Variants in PKD1L1 observed in about 807,000 individuals in gnomAD.
PKD1L1 encodes polycystin 1 like 1, transient receptor potential channel interacting, also known as polycystin-1-like protein 1.
A neutral mutation model predicts 323.4 loss-of-function variants in PKD1L1; 236 were observed. That is an observed-to-expected ratio of 0.73 (90% CI 0.66 to 0.81). The LOEUF (loss-of-function observed/expected upper bound fraction) is 0.81. Ranked by LOEUF, PKD1L1 falls within the 40% of genes least tolerant of loss-of-function variation. PKD1L1 has a pLI of 0.00. For missense variants in PKD1L1, 3,320 were observed against 3,508.0 expected (o/e 0.95, Z 1.35); for synonymous variants, 1,344 against 1,335.0 (o/e 1.01, Z -0.15).
rs559796354 is a variant in PKD1L1 at position 47,866,336 on chromosome 7, C to T, written c.4092+83G>A. ...TGCCTGTGTTTCATAAGCATGACCA[C>T]TTGCTAGTGAGCCAGCCAGTCATGA... On this transcript the variant is annotated intron_variant, in intron 25 of 56. Coordinates refer to ENST00000289672, the MANE Select transcript of PKD1L1 (RefSeq NM_138295.5). The T allele has an allele frequency of 4.8e-6, 7 of 1,444,232 alleles. No homozygotes were observed. In the South Asian group the frequency reaches 7.8e-5, roughly 16 times the overall value. 89.5% of individuals were successfully genotyped at this position (1,444,232 alleles called of 1,614,324 possible).
intron 8 of PKD1L1, 107 bp downstream of exon 8, chr7:47,915,325 T>C (rs1236535838): frequency 2.9e-6 from 2 of 685,076 alleles, no homozygotes; most frequent in South Asian, 1.6e-5. Flanking sequence ...ATAGAGTGTA[T>C]AGCCAATCAC....
intron 50 of PKD1L1, chr7:47,809,896 C>G (rs1483120839): frequency 4.2e-6 from 1 of 236,650 alleles, no homozygotes; most frequent in Admixed American, 5.1e-5. Context: ...GCTGATCCTC[C>G]AGTCCTTCCT....
rs113054728 is a variant in PKD1L1 at position 47,788,803 on chromosome 7, G to T, written c.8526+3824C>A. Among the ~76,000 whole-genome samples, 759 of 151,268 alleles carry T rather than the reference G, an allele frequency of 5.0e-3. 7 individuals carry two copies. The highest frequency in any genetic ancestry group is 0.016 in the African/African-American group (676 of 41,232). Reference sequence around the variant, plus strand: ...TAGTAGAGATGGGTTTTCACCGTGTGAGCCAGGATGGTCTCGATCTCCTGA... The same window carrying T: ...TAGTAGAGATGGGTTTTCACCGTGTTAGCCAGGATGGTCTCGATCTCCTGA... On this transcript the variant is annotated intron_variant, in intron 56 of 56. Transcript: ENST00000289672.
intron 26 of PKD1L1, among the ~76,000 whole-genome samples, chr7:47,864,025 G>A (rs1365081801): frequency 6.6e-6 from 1 of 152,148 alleles, no homozygotes; most frequent in Non-Finnish European, 1.5e-5. Flanking sequence ...GAGATTCTAA[G>A]CATGTGCAGG....
chr7:47,960,731 T>C, the PKD1L1 span, among the ~76,000 whole-genome samples: 1 of 151,474 alleles, frequency 6.6e-6, no homozygotes, highest in Non-Finnish European at 1.5e-5. Flanking sequence ...CTGAATAGAC[T>C]TCTCAAAAGA....
intron 56 of PKD1L1, among the ~76,000 whole-genome samples, chr7:47,789,845 T>C (rs370669009): frequency 2.0e-5 from 3 of 152,184 alleles, no homozygotes; most frequent in African/African-American, 7.2e-5. Flanking sequence ...ATATAGTAAA[T>C]ACTATCCATT....
intron 39 of PKD1L1, among the ~76,000 whole-genome samples, chr7:47,834,744 C>T (rs1340152372): frequency 6.6e-6 from 1 of 151,682 alleles, no homozygotes; most frequent in Non-Finnish European, 1.5e-5. Flanking sequence ...TTTAGATGTC[C>T]CTCAGAAAAA....
intron 56 of PKD1L1, among the ~76,000 whole-genome samples, chr7:47,791,419 G>T (rs1393490029): frequency 6.8e-6 from 1 of 146,926 alleles, no homozygotes; most frequent in African/African-American, 2.5e-5. Flanking sequence ...ATTTCATCTT[G>T]GAGTTCTTTC....
chr7:47,952,820 T>C (rs537172137), upstream of PKD1L1, among the ~76,000 whole-genome samples: 1 of 152,342 alleles, frequency 6.6e-6, no homozygotes, highest in Admixed American at 6.5e-5. Context: ...TTGCTATACC[T>C]GGGACTAAAA....
At chr7:47,950,841 G>C (rs1788194311), upstream of PKD1L1, among the ~76,000 whole-genome samples, 1 of 152,228 alleles carries the variant, frequency 6.6e-6, no homozygotes, top group Non-Finnish European at 1.5e-5. Flanking sequence ...GGGCTGGGCA[G>C]CCTCGCCTTT....
intron 13 of PKD1L1, among the ~76,000 whole-genome samples, chr7:47,902,039 GAAAAGAAAAGAAAAGAAAA>G (rs1306014355): frequency 2.7e-5 from 4 of 148,202 alleles, no homozygotes; most frequent in Non-Finnish European, 4.5e-5. Context: ...GAAAGGAAAA[GAAAAGAAAAGAAAAGAAAA>G]AAAAGAAAAG....
At chr7:47,926,316 GC>G (rs1317493016) in intron 7 of PKD1L1, among the ~76,000 whole-genome samples, 5 of 152,178 alleles carry the variant, frequency 3.3e-5, no homozygotes, top group African/African-American at 1.2e-4. Flanking sequence ...TCAACCAATT[GC>G]CAATCAGAAA....
Position 47,800,704 on chromosome 7 carries a change from A to G in PKD1L1, c.8138T>C (p.Met2713Thr), listed in dbSNP as rs141015632. 46 of 1,614,126 alleles carry G rather than the reference A, an allele frequency of 2.8e-5. No homozygotes were observed. The African/African-American group carries it at 5.9e-4, about 21-fold the overall frequency. Residue 2713 changes from methionine (M) to threonine (T), a missense_variant, in exon 54 of 57, where the codon ATG (methionine) becomes ACG (threonine). Met to Thr is a moderately conservative substitution (Grantham distance 81). Coordinates refer to ENST00000289672, the MANE Select transcript of PKD1L1 (RefSeq NM_138295.5). The stretch of plus-strand genomic sequence containing the variant: ...TAAAAGGATCCCAAAGTAACAAGCC[A>G]TGGCCCGCTGGTCAGACTTGGAAAG... Reference protein sequence around the residue: ...LGLSKSDQRAMACYFGILLIV... With the variant: ...LGLSKSDQRATACYFGILLIV...
chr7:47,859,872 C>G (rs574179546), intron 26 of PKD1L1, among the ~76,000 whole-genome samples: 1 of 152,206 alleles, frequency 6.6e-6, no homozygotes, highest in South Asian at 2.1e-4. Context: ...TCATGATCCA[C>G]CCGCCTCGGC....
chr7:47,944,220 T>G (rs1449376147), intron 1 of PKD1L1, among the ~76,000 whole-genome samples: 1 of 152,140 alleles, frequency 6.6e-6, no homozygotes, highest in Non-Finnish European at 1.5e-5. Flanking sequence ...GTGCTGTCTT[T>G]GTGAGTTCTC....
chr7:47,897,289 C>T (rs1425996664), intron 14 of PKD1L1, among the ~76,000 whole-genome samples: 1 of 152,188 alleles, frequency 6.6e-6, no homozygotes, highest in African/African-American at 2.4e-5. Context: ...AAGAACAAAG[C>T]TCCTTCGCTG....
chr7:47,812,104 G>A, intron 49 of PKD1L1, 53 bp from the exon 50 acceptor site: 1 of 1,430,610 alleles, frequency 7.0e-7, no homozygotes. Flanking sequence ...AGGCACAGAA[G>A]TCTACTGAGG....
chr7:47,954,002 T>G, the PKD1L1 span, among the ~76,000 whole-genome samples: 2 of 152,210 alleles, frequency 1.3e-5, no homozygotes, highest in African/African-American at 2.4e-5. Flanking sequence ...AAAAGATAAT[T>G]TTAAATTGAA....
intron 7 of PKD1L1, among the ~76,000 whole-genome samples, chr7:47,920,918 A>G (rs1407982829): frequency 6.6e-6 from 1 of 152,254 alleles, no homozygotes; most frequent in African/African-American, 2.4e-5. Context: ...CTTAAATCTA[A>G]GACCTGAAAC....
Sources: allele counts gnomAD v4.1 joint callset (sites outside exome capture counted in the v4.1 genomes callset), GRCh38; gene constraint gnomAD v4.1.1; transcripts MANE v1.5; gene names NCBI Gene and HGNC (gene_info 2026-07-23, HGNC 2026-07-21).